The following COL4A1 variants were observed in gnomAD, a reference collection of about 807,000 sequenced individuals.
COL4A1 encodes the protein collagen alpha-1(IV) chain.
A neutral mutation model predicts 216.6 loss-of-function variants in COL4A1; 40 were observed. The observed-to-expected ratio is 0.18, with a 90% CI of 0.14 to 0.24. COL4A1 has a LOEUF of 0.24. COL4A1 is among the 10% of genes least tolerant of loss of function. COL4A1 has a pLI of 1.00. For synonymous variants in COL4A1, 839 were observed against 810.7 expected, an observed-to-expected ratio of 1.03 and a Z score of -0.59; for missense variants, 1,628 against 2,196.8, an observed-to-expected ratio of 0.74 and a Z score of 5.18.
At chr13:110,162,194 A>C (rs1566340290) in intron 48 of COL4A1, 36 bp downstream of exon 48, 2 of 1,585,058 alleles carry the variant, frequency 1.3e-6, no homozygotes, top group African/African-American at 2.7e-5. Context: ...CAACACACCT[A>C]CACTGAATGA....
chr13:110,248,339 T>C (rs1594087167), intron 1 of COL4A1, among the ~76,000 whole-genome samples: 2 of 149,030 alleles, frequency 1.3e-5, no homozygotes, highest in East Asian at 2.0e-4. Context: ...CCCAACCCTC[T>C]GGAAGGCGCT....
At chr13:110,287,779 G>A (rs1303170837) in intron 1 of COL4A1, among the ~76,000 whole-genome samples, 2 of 152,220 alleles carry the variant, frequency 1.3e-5, no homozygotes, top group Non-Finnish European at 2.9e-5. Flanking sequence ...GTGTTTCCAA[G>A]AGAAACGTTT....
At chr13:110,246,591 TG>T (rs1881823872) in intron 1 of COL4A1, among the ~76,000 whole-genome samples, 1 of 152,228 alleles carries the variant, frequency 6.6e-6, no homozygotes, top group Non-Finnish European at 1.5e-5. Flanking sequence ...ACCTTGCATC[TG>T]GACTCCCAGA....
chr13:110,158,454 AG>A (rs1876898374), intron 49 of COL4A1, among the ~76,000 whole-genome samples: 1 of 152,196 alleles, frequency 6.6e-6, no homozygotes, highest in East Asian at 1.9e-4. Context: ...GTTGGGCTAA[AG>A]GCACAGCCTG....
intron 20 of COL4A1, 79 bp downstream of exon 20, chr13:110,200,775 T>C (rs1193113678): frequency 1.4e-6 from 2 of 1,413,476 alleles, no homozygotes; most frequent in African/African-American, 2.8e-5. Context: ...CTAACATTCG[T>C]GATAAATTAT....
At chr13:110,248,341 G>T (rs888912947) in intron 1 of COL4A1, among the ~76,000 whole-genome samples, 1 of 148,212 alleles carries the variant, frequency 6.7e-6, no homozygotes, top group Non-Finnish European at 1.5e-5. Context: ...CAACCCTCTG[G>T]AAGGCGCTCA....
At chr13:110,296,345 A>G (rs960067362) in intron 1 of COL4A1, among the ~76,000 whole-genome samples, 1 of 152,254 alleles carries the variant, frequency 6.6e-6, no homozygotes, top group African/African-American at 2.4e-5. Flanking sequence ...CGATTGTTTG[A>G]ATATCATTAT....
intron 1 of COL4A1, among the ~76,000 whole-genome samples, chr13:110,279,541 C>A (rs556940330): frequency 3.3e-4 from 50 of 152,254 alleles, no homozygotes; most frequent in African/African-American, 1.2e-3. Context: ...TCAATCTATT[C>A]TTTTGGGGGG....
At chr13:110,165,076 C>T (rs1877275561) in intron 45 of COL4A1, 86 bp from the exon 46 acceptor site, 1 of 1,550,052 alleles carries the variant, frequency 6.5e-7, no homozygotes, top group African/African-American at 1.4e-5. Context: ...CCGGGTGAAG[C>T]TATCCAAATG....
Position 110,152,643 on chromosome 13 carries a change from C to T in COL4A1, c.4756-137G>A, listed in dbSNP as rs991369205. 3.6e-6 allele frequency: 4 copies of T among 1,100,052 alleles called. No individual in the cohort carries two copies. The African/African-American group carries it at 6.2e-5, about 17-fold the overall frequency. The allele number at this position is 1,100,052 out of a possible 1,614,324, so 68.1% of individuals were successfully genotyped here. A position where few individuals can be genotyped will look rare whatever the true frequency, so the allele number is the denominator to read the frequency against. On this transcript the variant is annotated intron_variant, in intron 50 of 51. Transcript: ENST00000375820. Reference sequence around the variant, plus strand: ...GCAGCCTCATGTGGTCACCACAGGACACACTCTGTGCCCAAATTATCGGGC... The same window carrying T: ...GCAGCCTCATGTGGTCACCACAGGATACACTCTGTGCCCAAATTATCGGGC...
chr13:110,252,539 T>TAC, intron 1 of COL4A1, among the ~76,000 whole-genome samples: 1 of 9,666 alleles, frequency 1.0e-4, no homozygotes, highest in East Asian at 0.01. Context: ...TACGTATATA[T>TAC]GTATTATATA....
intron 18 of COL4A1, among the ~76,000 whole-genome samples, chr13:110,202,516 C>T (rs2139192795): frequency 6.6e-6 from 1 of 152,248 alleles, no homozygotes; most frequent in African/African-American, 2.4e-5. Flanking sequence ...TAAATATATA[C>T]AATTTTTGTC....
chr13:110,209,111 A>C (rs1879650400), intron 11 of COL4A1, among the ~76,000 whole-genome samples: 1 of 151,632 alleles, frequency 6.6e-6, no homozygotes. Context: ...GACCTTTTTA[A>C]AAATTTACAG....
Position 110,268,906 on chromosome 13 carries a change from T to A in COL4A1, c.85-26172A>T, listed in dbSNP as rs1883140558. On this transcript the variant is annotated intron_variant, in intron 1 of 51. Coordinates refer to ENST00000375820, the MANE Select transcript of COL4A1 (RefSeq NM_001845.6). The surrounding 1 kb of genome is among the most constrained non-coding windows in gnomAD (Gnocchi z 4.1). Reference sequence around the variant, plus strand: ...GGAAAGGAACCCAAGGAGGAGGGAGTGGGAACACCACCTTCCAGAGCCCAG... The same window carrying A: ...GGAAAGGAACCCAAGGAGGAGGGAGAGGGAACACCACCTTCCAGAGCCCAG... 6.6e-6 allele frequency among the ~76,000 whole-genome samples: 1 copy of A among 151,644 alleles called. No individual in the cohort carries two copies. The highest frequency in any genetic ancestry group is 2.1e-4 in the South Asian group (1 of 4,790).
At chr13:110,181,698 C>T (rs1011108436) in intron 28 of COL4A1, among the ~76,000 whole-genome samples, 2 of 152,130 alleles carry the variant, frequency 1.3e-5, no homozygotes, top group Admixed American at 1.3e-4. Flanking sequence ...CCCTTGGCGC[C>T]TGCAGGTGAG....
chr13:110,228,573 T>C (rs7983266), intron 2 of COL4A1, among the ~76,000 whole-genome samples: 101 of 152,296 alleles, frequency 6.6e-4, no homozygotes, highest in African/African-American at 2.4e-3. Context: ...AAGACACACA[T>C]TTAGGATTAA....
chr13:110,168,032 T>C (rs898702624), intron 43 of COL4A1, among the ~76,000 whole-genome samples: 22 of 152,148 alleles, frequency 1.4e-4, no homozygotes, highest in Admixed American at 6.5e-5. Context: ...TTCCTCTTTT[T>C]TTTTTGAGAC....
intron 2 of COL4A1, 98 bp downstream of exon 2, chr13:110,242,577 G>A: frequency 1.5e-6 from 2 of 1,339,324 alleles, no homozygotes; most frequent in Non-Finnish European, 2.1e-6. Flanking sequence ...ACAGTAATAA[G>A]GCTTTCACCT....
intron 2 of COL4A1, among the ~76,000 whole-genome samples, chr13:110,219,563 G>C (rs1421509692): frequency 6.6e-6 from 1 of 151,106 alleles, no homozygotes; most frequent in Non-Finnish European, 1.5e-5. Context: ...AACTATGTGG[G>C]TATACGCAAG....
Sources: allele counts gnomAD v4.1 joint callset (sites outside exome capture counted in the v4.1 genomes callset), GRCh38; gene constraint gnomAD v4.1.1; non-coding constraint Gnocchi (gnomAD v3.1); transcripts MANE v1.5; gene names NCBI Gene and HGNC (gene_info 2026-07-23, HGNC 2026-07-21).